SEMA5A: variants seen among roughly 807,000 people sequenced by gnomAD.
The protein encoded by SEMA5A is semaphorin-5A.
SEMA5A carries 55 observed loss-of-function variants against 135.5 expected under a neutral mutation model. The observed-to-expected ratio is 0.41, with a 90% CI of 0.33 to 0.51. SEMA5A has a LOEUF of 0.51. Among genes scored for constraint, SEMA5A ranks in the 20% least tolerant of loss-of-function variants. The probability of loss-of-function intolerance (pLI) is 0.37; values close to 1 mark genes in which losing one functional copy is unlikely to be tolerated. For missense variants in SEMA5A, 1,290 were observed against 1,419.9 expected (o/e 0.91, Z 1.47); for synonymous variants, 580 against 546.5 (o/e 1.06, Z -0.85).
In SEMA5A at chr5:9,036,039, A is replaced by G. The variant is rs1036032822; in HGVS notation, c.*6858T>C. The G allele has an allele frequency of 5.3e-5, 8 of 151,760 alleles. No homozygotes were observed. Among genetic ancestry groups the G allele is most frequent in the African/African-American group, 1.9e-4 (8 of 41,368 alleles). 9.4% of individuals were successfully genotyped at this position (151,760 alleles called of 1,614,324 possible). On this transcript the variant is annotated 3_prime_UTR_variant, in exon 23 of 23. Transcript: ENST00000382496. ...ACAGCAAATTAACGCAGAATGAGGC[A>G]TTTAACATTTGATAACATCTTTAAA... is the stretch of plus-strand genomic sequence containing the variant.
At chr5:9,444,504 TG>T (rs1242103395) in intron 1 of SEMA5A, among the ~76,000 whole-genome samples, 1 of 152,234 alleles carries the variant, frequency 6.6e-6, no homozygotes, top group African/African-American at 2.4e-5. Context: ...TCCAGGTCGC[TG>T]TGAATGCCAT....
chr5:9,167,766 A>G (rs905997907), intron 11 of SEMA5A, among the ~76,000 whole-genome samples: 1 of 152,138 alleles, frequency 6.6e-6, no homozygotes, highest in East Asian at 1.9e-4. Context: ...CAAAGAATAA[A>G]TGTCCATCTT....
intron 1 of SEMA5A, among the ~76,000 whole-genome samples, chr5:9,484,646 A>C (rs755268996): frequency 1.3e-5 from 2 of 152,198 alleles, no homozygotes; most frequent in Non-Finnish European, 2.9e-5. Context: ...CATCACAGTT[A>C]AATGTTATTT....
At chr5:9,090,763 AAG>A (rs1374276785) in intron 16 of SEMA5A, among the ~76,000 whole-genome samples, 2 of 152,320 alleles carry the variant, frequency 1.3e-5, no homozygotes, top group South Asian at 4.1e-4. Flanking sequence ...GCGATTTTCC[AAG>A]AGTCTCCATT....
intron 5 of SEMA5A, among the ~76,000 whole-genome samples, chr5:9,285,605 C>T (rs76992273): frequency 1.3e-5 from 2 of 152,240 alleles, no homozygotes; most frequent in Non-Finnish European, 2.9e-5. Context: ...GACTTAAACA[C>T]CAGCTCACAA....
intron 5 of SEMA5A, among the ~76,000 whole-genome samples, chr5:9,315,783 G>A (rs955910981): frequency 1.3e-5 from 2 of 152,148 alleles, no homozygotes; most frequent in African/African-American, 4.8e-5. Flanking sequence ...CATTGCTGGT[G>A]AAGTTCCCCT....
chr5:9,394,276 T>C (rs1460880516), intron 2 of SEMA5A, among the ~76,000 whole-genome samples: 1 of 152,084 alleles, frequency 6.6e-6, no homozygotes, highest in Non-Finnish European at 1.5e-5. Context: ...TAGAACCTTA[T>C]CCATTCTCTG....
In SEMA5A at chr5:9,042,427, ATTGT is replaced by A. The variant is rs1336038454; in HGVS notation, c.*466_*469del. 2 of 160,710 alleles carry A rather than the reference ATTGT, an allele frequency of 1.2e-5. No homozygotes were observed. The highest frequency in any genetic ancestry group is 2.7e-5 in the Non-Finnish European group (2 of 74,304). The allele number at this position is 160,710 out of a possible 1,614,324, so 10.0% of individuals were successfully genotyped here. Reference sequence around the variant, plus strand: ...AAAGTTGGGCAATCCATGGTGAATAATTGTTTGGCCACATTCTTTTTCTTCATTT... The same window carrying A: ...AAAGTTGGGCAATCCATGGTGAATAATTGGCCACATTCTTTTTCTTCATTT... On this transcript the variant is annotated 3_prime_UTR_variant, in exon 23 of 23. Coordinates refer to ENST00000382496, the MANE Select transcript of SEMA5A (RefSeq NM_003966.3).
intron 3 of SEMA5A, among the ~76,000 whole-genome samples, chr5:9,346,853 A>G (rs1487548957): frequency 6.6e-6 from 1 of 152,110 alleles, no homozygotes; most frequent in Non-Finnish European, 1.5e-5. Context: ...ACATAGATAT[A>G]TAAATATAGG....
rs10695963 is a variant in SEMA5A at position 9,038,731 on chromosome 5, CTTTT to C, written c.*4162_*4165del. The C allele has an allele frequency of 4.7e-4, 66 of 140,558 alleles. No individual in the cohort carries two copies. Among genetic ancestry groups the C allele is most frequent in the African/African-American group, 1.7e-3 (63 of 38,004 alleles). 8.7% of individuals were successfully genotyped at this position (140,558 alleles called of 1,614,324 possible). A position where few individuals can be genotyped will look rare whatever the true frequency, so the allele number is the denominator to read the frequency against. On this transcript the variant is annotated 3_prime_UTR_variant, in exon 23 of 23. Coordinates refer to ENST00000382496, the MANE Select transcript of SEMA5A (RefSeq NM_003966.3). ...AGAGACCCCCCGCTAAGACTTTGTT[CTTTT>C]TTTTTTTTTTTGAGACAGGGTCTCT...
At chr5:9,542,935 G>C (rs1738171935) in intron 1 of SEMA5A, among the ~76,000 whole-genome samples, 1 of 152,186 alleles carries the variant, frequency 6.6e-6, no homozygotes. Flanking sequence ...TGGACATTTA[G>C]TAAAGGTTTT....
intron 5 of SEMA5A, among the ~76,000 whole-genome samples, chr5:9,290,883 C>T (rs1436769928): frequency 3.3e-5 from 5 of 152,104 alleles, no homozygotes; most frequent in Admixed American, 3.3e-4. Context: ...TAACATAACA[C>T]AAAAATGCAC....
At chr5:9,217,841 C>A (rs145601264) in intron 8 of SEMA5A, among the ~76,000 whole-genome samples, 199 of 152,270 alleles carry the variant, frequency 1.3e-3, no homozygotes, top group Middle Eastern at 6.8e-3. Context: ...CTCTGTCAGA[C>A]CTGTGAAGTT....
In SEMA5A at chr5:9,224,895, G is replaced by A; in HGVS notation, c.433-8C>T. 6.2e-7 allele frequency: 1 copy of A among 1,609,572 alleles called. No individual in the cohort carries two copies. The highest frequency in any genetic ancestry group is 1.3e-5 in the African/African-American group (1 of 74,940). ...CTCAGTCAGGTTGCTCAACTGTGGG[G>A]GAGGATGAGAGGGAAAGCAGTTATC... On this transcript the variant is annotated splice_region_variant and splice_polypyrimidine_tract_variant and intron_variant, in intron 7 of 22. Transcript: ENST00000382496.
At chr5:9,182,319 T>A (rs1411904261) in intron 11 of SEMA5A, among the ~76,000 whole-genome samples, 1 of 152,142 alleles carries the variant, frequency 6.6e-6, no homozygotes, top group Non-Finnish European at 1.5e-5. Flanking sequence ...GAGTCATTCT[T>A]AATTGCACCC....
intron 2 of SEMA5A, among the ~76,000 whole-genome samples, chr5:9,427,250 G>A (rs1403909748): frequency 1.3e-5 from 2 of 151,968 alleles, no homozygotes; most frequent in African/African-American, 4.8e-5. Flanking sequence ...GGCAGAGGTT[G>A]CAGTGAGCCG....
At chr5:9,517,540 G>A (rs1439622449) in intron 1 of SEMA5A, 1 of 152,168 alleles carries the variant, frequency 6.6e-6, no homozygotes, top group Non-Finnish European at 1.5e-5. Flanking sequence ...CACCAGGAGT[G>A]CAAACAAGAT....
chr5:9,310,802 C>CATATATAT (rs59096330), intron 5 of SEMA5A, among the ~76,000 whole-genome samples: 10,415 of 146,050 alleles, frequency 0.071, 440 homozygotes, highest in Non-Finnish European at 0.095. Flanking sequence ...TGCATATATA[C>CATATATAT]ATATATATAT....
At position 9,035,508 on chromosome 5, in the gene SEMA5A, C is replaced by T. The variant is rs1270927997; in HGVS notation, c.*7389G>A. The T allele has an allele frequency of 6.6e-6, 1 of 152,102 alleles. No homozygotes were observed. Among genetic ancestry groups the T allele is most frequent in the Non-Finnish European group, 1.5e-5 (1 of 68,030 alleles). 9.4% of individuals were successfully genotyped at this position (152,102 alleles called of 1,614,324 possible). ...GCAGGTAATGAGTTTCCAGTTGCCA[C>T]AATTGGTGTCTTAAGCTGATTTCAG... is the stretch of plus-strand genomic sequence containing the variant. On this transcript the variant is annotated 3_prime_UTR_variant, in exon 23 of 23. Coordinates refer to ENST00000382496, the MANE Select transcript of SEMA5A (RefSeq NM_003966.3).
Sources: gnomAD v4.1 joint callset for allele counts (sites outside exome capture counted in the v4.1 genomes callset) on GRCh38, gnomAD v4.1.1 for gene constraint, MANE v1.5 for transcripts, NCBI Gene and HGNC (gene_info 2026-07-23, HGNC 2026-07-21) for gene names.